Variants in SCAPER observed in about 807,000 individuals in gnomAD.
The protein encoded by SCAPER is S phase cyclin A-associated protein in the endoplasmic reticulum.
In SCAPER, 98 loss-of-function variants were observed where a neutral mutation model predicts 182.2. That is an observed-to-expected ratio of 0.54 (90% CI 0.46 to 0.64). The LOEUF (loss-of-function observed/expected upper bound fraction) is 0.64. Ranked by LOEUF, SCAPER falls within the 30% of genes least tolerant of loss-of-function variation. The pLI, the probability that SCAPER is intolerant of heterozygous loss-of-function variation, is 0.00. For missense variants in SCAPER, 1,432 were observed against 1,690.0 expected, an observed-to-expected ratio of 0.85 and a Z score of 2.68; for synonymous variants, 605 against 564.6, an observed-to-expected ratio of 1.07 and a Z score of -1.01.
At chr15:76,426,221 C>T (rs1477224296) in intron 26 of SCAPER, among the ~76,000 whole-genome samples, 1 of 152,218 alleles carries the variant, frequency 6.6e-6, no homozygotes. Flanking sequence ...GTGGAGTCTA[C>T]AGAGGCAGAC....
At chr15:76,829,413 T>C (rs1376703730) in intron 5 of SCAPER, among the ~76,000 whole-genome samples, 1 of 152,124 alleles carries the variant, frequency 6.6e-6, no homozygotes, top group Non-Finnish European at 1.5e-5. Flanking sequence ...TTCAAAAATA[T>C]AAATGTAAAC....
intron 17 of SCAPER, 115 bp downstream of exon 17, chr15:76,728,480 G>C: frequency 3.7e-6 from 5 of 1,363,114 alleles, no homozygotes; most frequent in Non-Finnish European, 4.1e-6. Context: ...ATCAACCTGG[G>C]GAACATCGCA....
intron 17 of SCAPER, among the ~76,000 whole-genome samples, chr15:76,713,686 G>A (rs1014241108): frequency 2.6e-5 from 4 of 151,986 alleles, no homozygotes; most frequent in Non-Finnish European, 5.9e-5. Flanking sequence ...GCTAAATGAC[G>A]AGTTAGTGGG....
In SCAPER at chr15:76,631,514, G is replaced by A. The variant is rs541991170; in HGVS notation, c.2646-9685C>T. On this transcript the variant is annotated intron_variant, in intron 21 of 31. Transcript: ENST00000563290. ...TGACAAATTCCCTCAGCATTTGCTT[G>A]TATGAAAAAGATTTTACTTCTCCTT... is the stretch of plus-strand genomic sequence containing the variant. Among the ~76,000 whole-genome samples the A allele has an allele frequency of 9.9e-5, 15 of 152,238 alleles. No homozygotes were observed. In the East Asian group the frequency reaches 2.1e-3, roughly 22 times the overall value.
intron 17 of SCAPER, among the ~76,000 whole-genome samples, chr15:76,707,020 G>A (rs1650648143): frequency 6.6e-6 from 1 of 151,814 alleles, no homozygotes; most frequent in Non-Finnish European, 1.5e-5. Context: ...TAACACAAGG[G>A]GAAGAGGACA....
At chr15:76,374,707 G>T (rs1009215997) in intron 29 of SCAPER, among the ~76,000 whole-genome samples, 1 of 151,466 alleles carries the variant, frequency 6.6e-6, no homozygotes, top group Non-Finnish European at 1.5e-5. Flanking sequence ...GGCTGGTCTC[G>T]AACTCCTGAC....
intron 21 of SCAPER, among the ~76,000 whole-genome samples, chr15:76,653,347 C>G (rs1347314227): frequency 6.6e-6 from 1 of 152,038 alleles, no homozygotes; most frequent in Non-Finnish European, 1.5e-5. Context: ...TCATTCTTCA[C>G]AAAATTAGAA....
At chr15:76,859,758 G>C (rs1421674395) in intron 3 of SCAPER, among the ~76,000 whole-genome samples, 1 of 151,986 alleles carries the variant, frequency 6.6e-6, no homozygotes, top group Non-Finnish European at 1.5e-5. Context: ...TTGAGACAGA[G>C]TCTCACTCTG....
intron 22 of SCAPER, among the ~76,000 whole-genome samples, chr15:76,587,897 C>T (rs934681453): frequency 6.6e-6 from 1 of 151,584 alleles, no homozygotes. Flanking sequence ...TATTACTGTG[C>T]TACTGTCTTT....
At chr15:76,522,190 TA>T in intron 23 of SCAPER, among the ~76,000 whole-genome samples, 1 of 152,174 alleles carries the variant, frequency 6.6e-6, no homozygotes, top group East Asian at 1.9e-4. Flanking sequence ...AATGCATTGT[TA>T]CTAACTTTCA....
In SCAPER at chr15:76,905,289, G is replaced by A. The variant is rs988532773; in HGVS notation, c.-60+10C>T. On this transcript the variant is annotated intron_variant, in intron 1 of 31. Transcript: ENST00000563290. ...GGTCTGCGCTACGCACGCCCCTCGC[G>A]GACACTCACCCCCGACCGCCCTGCT... 2 of 269,218 alleles carry A rather than the reference G, an allele frequency of 7.4e-6. No homozygotes were observed. The highest frequency in any genetic ancestry group is 1.5e-5 in the Non-Finnish European group (2 of 131,062). 16.7% of individuals were successfully genotyped at this position (269,218 alleles called of 1,614,324 possible). A position where few individuals can be genotyped will look rare whatever the true frequency, so the allele number is the denominator to read the frequency against.
At chr15:76,756,977 T>C (rs760989611) in intron 14 of SCAPER, among the ~76,000 whole-genome samples, 1 of 147,126 alleles carries the variant, frequency 6.8e-6, no homozygotes, top group Non-Finnish European at 1.5e-5. Flanking sequence ...TATTCTGCTC[T>C]AAATACACAG....
chr15:76,646,575 A>T (rs559196394), intron 21 of SCAPER, among the ~76,000 whole-genome samples: 2 of 152,352 alleles, frequency 1.3e-5, no homozygotes, highest in South Asian at 4.1e-4. Flanking sequence ...ACAAAAACAC[A>T]GTCCAATGAT....
Position 76,875,516 on chromosome 15 carries a change from G to A in SCAPER, c.6+8296C>T, listed in dbSNP as rs112974662. ...AAACTTAGCGGGCGTGGTGGTACGC[G>A]CCTGTAATTCCAGCTACTCAGGAGG... On this transcript the variant is annotated intron_variant, in intron 2 of 31. Coordinates refer to ENST00000563290, the MANE Select transcript of SCAPER (RefSeq NM_020843.4). 2.0e-3 allele frequency among the ~76,000 whole-genome samples: 307 copies of A among 152,086 alleles called. 3 individuals carry two copies. The highest frequency in any genetic ancestry group is 6.7e-3 in the African/African-American group (277 of 41,476).
chr15:76,554,149 T>A (rs1597362270), intron 23 of SCAPER, among the ~76,000 whole-genome samples: 2 of 152,214 alleles, frequency 1.3e-5, no homozygotes. Context: ...ACTGATCTGA[T>A]AGAGCTGAAA....
chr15:76,677,885 T>C (rs934481994), intron 20 of SCAPER, among the ~76,000 whole-genome samples: 7 of 151,766 alleles, frequency 4.6e-5, no homozygotes, highest in Middle Eastern at 3.4e-3. Context: ...AACTGACCAA[T>C]AGGTTCATGA....
rs1596362153 is a variant in SCAPER at position 76,381,490 on chromosome 15, T to G, written c.3593A>C (p.Asp1198Ala). 1 of 1,613,566 alleles carries G rather than the reference T, an allele frequency of 6.2e-7. No individual in the cohort carries two copies. The highest frequency in any genetic ancestry group is 1.1e-5 in the South Asian group (1 of 90,984). The change falls in exon 28 of 32, where the codon GAC (aspartate) becomes GCC (alanine). Residue 1198 changes from aspartate (D) to alanine (A), a missense_variant. This residue lies in a region of SCAPER where 718 missense variants were observed against 799.7 expected (regional missense o/e 0.90). Coordinates refer to ENST00000563290, the MANE Select transcript of SCAPER (RefSeq NM_020843.4). ...CTCCTTGGGACTGGCAGTGCTGGGG[T>G]CCAAGATGGTGCCATGGAAGAGGAC... The part of the protein sequence containing the change: ...YCVLFHGTIL[D>A]PSTASPKENY...
intron 5 of SCAPER, among the ~76,000 whole-genome samples, chr15:76,813,075 G>C (rs1378427579): frequency 6.6e-6 from 1 of 151,538 alleles, no homozygotes; most frequent in African/African-American, 2.4e-5. Flanking sequence ...ATAACCAAGT[G>C]AGATGAATCC....
intron 18 of SCAPER, among the ~76,000 whole-genome samples, chr15:76,703,654 T>C (rs943067878): frequency 9.2e-5 from 14 of 152,232 alleles, no homozygotes; most frequent in African/African-American, 3.4e-4. Context: ...GGAAGTGTTC[T>C]TTAAAATCAC....
Sources: allele counts gnomAD v4.1 joint callset (sites outside exome capture counted in the v4.1 genomes callset), GRCh38; gene constraint gnomAD v4.1.1; regional missense constraint gnomAD v4.1.1; transcripts MANE v1.5; gene names NCBI Gene and HGNC (gene_info 2026-07-23, HGNC 2026-07-21).